The following CACNA1D variants were observed in gnomAD, a reference collection of about 807,000 sequenced individuals.
CACNA1D encodes calcium voltage-gated channel subunit alpha1 D.
Under a neutral mutation model 257.1 loss-of-function variants are expected in CACNA1D, and 55 were observed. The ratio of observed to expected loss-of-function variants is 0.21; its 90% CI spans 0.17 to 0.27. CACNA1D has a LOEUF of 0.27. Among genes scored for constraint, CACNA1D ranks in the 10% least tolerant of loss-of-function variants. The probability of loss-of-function intolerance (pLI) is 1.00; values close to 1 mark genes in which losing one functional copy is unlikely to be tolerated. For missense variants in CACNA1D, 1,876 were observed against 2,784.0 expected (o/e 0.67, Z 7.34); for synonymous variants, 980 against 1,014.9 (o/e 0.97, Z 0.65).
In CACNA1D at chr3:53,618,741, A is replaced by G. The variant is rs1240802660; in HGVS notation, c.484-32038A>G. ...ACTGACTGTTTTCCTCCAAGAGTGC[A>G]CTAGAGTGTACTTGCTTCTGTCTGG... On this transcript the variant is annotated intron_variant, in intron 3 of 47. Coordinates refer to ENST00000350061, the MANE Select transcript of CACNA1D (RefSeq NM_001128840.3). 2.0e-5 allele frequency among the ~76,000 whole-genome samples: 3 copies of G among 152,166 alleles called. No homozygotes were observed. The South Asian group carries it at 6.2e-4, about 32-fold the overall frequency.
At chr3:53,777,811 T>C (rs1340860728) in intron 37 of CACNA1D, among the ~76,000 whole-genome samples, 1 of 152,200 alleles carries the variant, frequency 6.6e-6, no homozygotes, top group Non-Finnish European at 1.5e-5. Context: ...CAGTGAGACT[T>C]TTCCTTCCAC....
intron 43 of CACNA1D, 137 bp from the exon 44 acceptor site, chr3:53,803,286 G>T (rs2095545313): frequency 2.2e-6 from 2 of 891,546 alleles, no homozygotes; most frequent in African/African-American, 3.3e-5. Context: ...GAACAGTCCA[G>T]TGCTGCCTGA....
At chr3:53,715,563 T>C (rs2094809714) in intron 9 of CACNA1D, among the ~76,000 whole-genome samples, 1 of 152,114 alleles carries the variant, frequency 6.6e-6, no homozygotes, top group Admixed American at 6.6e-5. Flanking sequence ...GGAGTTAACA[T>C]GTGTGGGCCT....
Position 53,740,571 on chromosome 3 carries a change from T to G in CACNA1D, c.2811+232T>G. On this transcript the variant is annotated intron_variant, in intron 21 of 47. Transcript: ENST00000350061. ...AGTGCTTTTGATTTTTTATGGGTTT[T>G]TTTTTTGTCTTTCGTGGTTGAGCTA... The G allele has an allele frequency of 6.2e-6, 3 of 485,956 alleles. No homozygotes were observed. The South Asian group carries it at 7.5e-5, about 12-fold the overall frequency. The allele number at this position is 485,956 out of a possible 1,614,324, so 30.1% of individuals were successfully genotyped here.
In CACNA1D at chr3:53,792,243, T is replaced by C. The variant is rs546202597; in HGVS notation, c.4923+5291T>C. The C allele has an allele frequency of 7.2e-5, 11 of 152,296 alleles. No homozygotes were observed. In the East Asian group the frequency reaches 1.9e-3, roughly 27 times the overall value. The allele number at this position is 152,296 out of a possible 1,614,324, so 9.4% of individuals were successfully genotyped here. A position where few individuals can be genotyped will look rare whatever the true frequency, so the allele number is the denominator to read the frequency against. Reference sequence around the variant, plus strand: ...AGGTTGCATTTTCACATCTTAAGAATAGCAGATTTTTGCCCAAGATGTTGG... The same window carrying C: ...AGGTTGCATTTTCACATCTTAAGAACAGCAGATTTTTGCCCAAGATGTTGG... On this transcript the variant is annotated intron_variant, in intron 40 of 47. Transcript: ENST00000350061.
At chr3:53,580,919 A>C (rs2093121979) in intron 3 of CACNA1D, among the ~76,000 whole-genome samples, 1 of 152,214 alleles carries the variant, frequency 6.6e-6, no homozygotes, top group African/African-American at 2.4e-5. Context: ...TTTGTTTTGC[A>C]AAAGAAGTTA....
intron 3 of CACNA1D, among the ~76,000 whole-genome samples, chr3:53,620,809 G>A (rs1344484489): frequency 2.0e-5 from 3 of 152,192 alleles, no homozygotes; most frequent in Non-Finnish European, 4.4e-5. Context: ...ATTTTGGGGT[G>A]ACTTATGACA....
intron 3 of CACNA1D, among the ~76,000 whole-genome samples, chr3:53,524,778 G>A (rs990766570): frequency 6.6e-6 from 1 of 152,200 alleles, no homozygotes; most frequent in East Asian, 1.9e-4. Context: ...GCCTGTGGAT[G>A]TCTGGCCTTT....
intron 2 of CACNA1D, among the ~76,000 whole-genome samples, chr3:53,499,611 G>A (rs1338314994): frequency 1.3e-5 from 2 of 151,972 alleles, no homozygotes; most frequent in Non-Finnish European, 2.9e-5. Context: ...TGTACCTGGA[G>A]ACCAAAACTG....
chr3:53,776,445 ACT>A (rs2095397672), intron 35 of CACNA1D, among the ~76,000 whole-genome samples, 156 bp from the exon 36 acceptor site: 1 of 152,032 alleles, frequency 6.6e-6, no homozygotes, highest in Admixed American at 6.5e-5. Flanking sequence ...CTAGAATCAC[ACT>A]CTTTTCTTAA....
intron 15 of CACNA1D, 82 bp from the exon 16 acceptor site, chr3:53,730,360 G>A: frequency 1.1e-6 from 1 of 890,278 alleles, no homozygotes; most frequent in Non-Finnish European, 1.9e-6. Context: ...TTCCCGGGAT[G>A]CAGAGGTGTG....
intron 39 of CACNA1D, among the ~76,000 whole-genome samples, chr3:53,784,066 T>C (rs531158954): frequency 4.2e-4 from 64 of 152,334 alleles, no homozygotes; most frequent in African/African-American, 1.5e-3. Context: ...CTCATGAGCC[T>C]GATGATGAGA....
chr3:53,735,553 G>A, intron 20 of CACNA1D, 50 bp downstream of exon 20: 1 of 1,606,330 alleles, frequency 6.2e-7, no homozygotes, highest in Non-Finnish European at 8.5e-7. Flanking sequence ...GCCTCTCTCG[G>A]GCAGAGGCCA....
In CACNA1D at chr3:53,805,073, G is replaced by C; in HGVS notation, c.5676G>C (p.Glu1892Asp). The part of the protein sequence containing the change: ...RGYHHPQGFL[E>D]DDDSPVCYDS... The stretch of plus-strand genomic sequence containing the variant: ...ACCATCATCCCCAAGGATTCTTGGA[G>C]GACGATGACTCGCCCGTTTGCTATG... The change falls in exon 45 of 48, where the codon GAG becomes GAC. Residue 1892 changes from glutamate (E) to aspartate (D), a missense_variant. Coordinates refer to ENST00000350061, the MANE Select transcript of CACNA1D (RefSeq NM_001128840.3). 6.2e-7 allele frequency: 1 copy of C among 1,614,194 alleles called. No homozygotes were observed. Among genetic ancestry groups the C allele is most frequent in the African/African-American group, 1.3e-5 (1 of 75,046 alleles).
intron 3 of CACNA1D, among the ~76,000 whole-genome samples, chr3:53,525,065 C>G (rs919753350): frequency 6.6e-6 from 1 of 152,074 alleles, no homozygotes; most frequent in African/African-American, 2.4e-5. Flanking sequence ...GTTTGAGGTT[C>G]TGCTTAGCAC....
At chr3:53,707,518 A>C (rs1245862176) in intron 9 of CACNA1D, among the ~76,000 whole-genome samples, 1 of 152,232 alleles carries the variant, frequency 6.6e-6, no homozygotes, top group Non-Finnish European at 1.5e-5. Flanking sequence ...TGTCAATTTC[A>C]TAAATTTGCT....
chr3:53,777,453 A>G (rs1032442272), intron 37 of CACNA1D, among the ~76,000 whole-genome samples: 2 of 152,214 alleles, frequency 1.3e-5, no homozygotes, highest in Non-Finnish European at 2.9e-5. Flanking sequence ...ATGGAGAAGT[A>G]GACCTGAGGC....
chr3:53,627,361 G>A (rs2093770890), intron 3 of CACNA1D, among the ~76,000 whole-genome samples: 1 of 152,228 alleles, frequency 6.6e-6, no homozygotes, highest in Non-Finnish European at 1.5e-5. Context: ...TCAAAAGGTA[G>A]CATGGCGACT....
intron 3 of CACNA1D, among the ~76,000 whole-genome samples, chr3:53,598,684 A>G (rs1367807594): frequency 6.6e-6 from 1 of 152,104 alleles, no homozygotes; most frequent in Non-Finnish European, 1.5e-5. Context: ...TGCTACTTCT[A>G]CACAAGGTCA....
Sources: gnomAD v4.1 joint callset for allele counts (sites outside exome capture counted in the v4.1 genomes callset) on GRCh38, gnomAD v4.1.1 for gene constraint, MANE v1.5 for transcripts, NCBI Gene and HGNC (gene_info 2026-07-23, HGNC 2026-07-21) for gene names.